CDH23: variants seen among roughly 807,000 people sequenced by gnomAD.
CDH23 encodes cadherin related 23.
Under a neutral mutation model 317.1 loss-of-function variants are expected in CDH23, and 189 were observed. The observed-to-expected ratio is 0.60, with a 90% CI of 0.53 to 0.67. The LOEUF is 0.67. CDH23 is among the 30% of genes least tolerant of loss of function. The probability of loss-of-function intolerance (pLI) is 0.00; values close to 1 mark genes in which losing one functional copy is unlikely to be tolerated. For missense variants in CDH23, 4,401 were observed against 4,592.4 expected (o/e 0.96, Z 1.20); for synonymous variants, 1,839 against 1,876.8 (o/e 0.98, Z 0.52).
In CDH23 at chr10:71,646,439, C is replaced by A; in HGVS notation, c.1291-20C>A. 6.2e-7 allele frequency: 1 copy of A among 1,611,776 alleles called. No homozygotes were observed. The highest frequency in any genetic ancestry group is 8.5e-7 in the Non-Finnish European group (1 of 1,178,858). Reference sequence around the variant, plus strand: ...GGGGACATGTGGGAGCTTACCTGGGCCCCTGTTCTGCACCCCCAGCTCTTT... The same window carrying A: ...GGGGACATGTGGGAGCTTACCTGGGACCCTGTTCTGCACCCCCAGCTCTTT... On this transcript the variant is annotated intron_variant, in intron 13 of 69. Transcript: ENST00000224721.
intron 12 of CDH23, among the ~76,000 whole-genome samples, chr10:71,645,245 C>T (rs1862778453): frequency 6.6e-6 from 1 of 152,244 alleles, no homozygotes; most frequent in South Asian, 2.1e-4. Context: ...CCCCCCGGGA[C>T]TGGCAACAGT....
intron 3 of CDH23, among the ~76,000 whole-genome samples, chr10:71,506,839 G>A (rs1435086241): frequency 6.6e-6 from 1 of 152,196 alleles, no homozygotes; most frequent in Non-Finnish European, 1.5e-5. Flanking sequence ...GAAGGCATGA[G>A]CAGGCAAGAG....
At chr10:71,484,893 A>T (rs1183725997) in intron 3 of CDH23, among the ~76,000 whole-genome samples, 2 of 152,028 alleles carry the variant, frequency 1.3e-5, no homozygotes, top group Non-Finnish European at 2.9e-5. Context: ...AGCAACTTAC[A>T]TACAAGTTCA....
chr10:71,485,023 CTTTTT>C (rs56153129), intron 3 of CDH23, among the ~76,000 whole-genome samples: 4 of 110,142 alleles, frequency 3.6e-5, no homozygotes, highest in Admixed American at 9.4e-5. Flanking sequence ...TTTCTTTTTT[CTTTTT>C]TTTTTTTTTT....
chr10:71,702,262 T>A (rs1442753622), intron 23 of CDH23, 51 bp downstream of exon 23: 10 of 1,575,890 alleles, frequency 6.3e-6, no homozygotes, highest in Admixed American at 1.7e-5. Flanking sequence ...GCTGCGGGTG[T>A]CCCTGGTGAC....
intron 32 of CDH23, 90 bp from the exon 33 acceptor site, chr10:71,734,150 A>G (rs1183715796): frequency 9.8e-7 from 1 of 1,016,854 alleles, no homozygotes; most frequent in Non-Finnish European, 1.5e-6. Context: ...CGGACAGAGG[A>G]AGTGACATGG....
At chr10:71,558,908 C>G (rs950028162) in intron 6 of CDH23, among the ~76,000 whole-genome samples, 2 of 152,214 alleles carry the variant, frequency 1.3e-5, no homozygotes, top group African/African-American at 4.8e-5. Context: ...AGATTTCCTC[C>G]TAACCTCCCT....
intron 28 of CDH23, among the ~76,000 whole-genome samples, chr10:71,723,031 C>A (rs1438013828): frequency 6.6e-6 from 1 of 152,192 alleles, no homozygotes; most frequent in African/African-American, 2.4e-5. Flanking sequence ...AGTCCTGGAC[C>A]AATCCCCTCT....
intron 14 of CDH23, among the ~76,000 whole-genome samples, chr10:71,658,827 C>T (rs922858082): frequency 6.6e-6 from 1 of 152,208 alleles, no homozygotes; most frequent in African/African-American, 2.4e-5. Flanking sequence ...ACCCTCAGGG[C>T]TCACCTCCCA....
In CDH23 at chr10:71,397,637, T is replaced by C. The variant is rs908234991; in HGVS notation, c.-6+319T>C. 6.6e-6 allele frequency among the ~76,000 whole-genome samples: 1 copy of C among 151,986 alleles called. No individual in the cohort carries two copies. Among genetic ancestry groups the C allele is most frequent in the African/African-American group, 2.4e-5 (1 of 41,408 alleles). On this transcript the variant is annotated intron_variant, in intron 1 of 69. Coordinates refer to ENST00000224721, the MANE Select transcript of CDH23 (RefSeq NM_022124.6). The surrounding 1 kb of genome is among the most constrained non-coding windows in gnomAD (Gnocchi z 4.8). Reference sequence around the variant, plus strand: ...CTGGGACCGCGAACATTTGGGGGCTTTGCTCTCGGCGCTACGGAGAGGGTC... The same window carrying C: ...CTGGGACCGCGAACATTTGGGGGCTCTGCTCTCGGCGCTACGGAGAGGGTC...
At chr10:71,569,524 G>A (rs1857636156) in intron 7 of CDH23, among the ~76,000 whole-genome samples, 1 of 152,192 alleles carries the variant, frequency 6.6e-6, no homozygotes, top group African/African-American at 2.4e-5. Flanking sequence ...AGATTCCCAG[G>A]GGGAAAAAGA....
chr10:71,706,913 C>T lies in CDH23; in HGVS notation c.2970C>T (p.Asp990=), dbSNP rs56216952. 4.4e-3 allele frequency: 7,085 copies of T among 1,602,638 alleles called. 24 individuals are homozygous for T. The highest frequency in any genetic ancestry group is 5.5e-3 in the Non-Finnish European group (6,442 of 1,175,066). ...TLTIHVLDVN[D]ETPTFFPAVY... is the part of the protein sequence containing the mutation. ...GCCCCGCAGTGCTGGATGTGAACGA[C>T]GAGACGCCCACCTTCTTCCCGGCCG... Residue 990 remains aspartate (D), a synonymous_variant, in exon 26 of 70, where the codon GAC becomes GAT. Transcript: ENST00000224721.
intron 1 of CDH23, among the ~76,000 whole-genome samples, chr10:71,410,149 T>C (rs914694594): frequency 6.6e-6 from 1 of 152,238 alleles, no homozygotes; most frequent in African/African-American, 2.4e-5. Context: ...CAAAGGGTTA[T>C]TGGGAGGATT....
chr10:71,801,571 TTTC>T (rs1841559841), intron 53 of CDH23, among the ~76,000 whole-genome samples: 1 of 152,114 alleles, frequency 6.6e-6, no homozygotes, highest in Non-Finnish European at 1.5e-5. Flanking sequence ...TCAATCCCCT[TTTC>T]TATGCAAAGT....
intron 9 of CDH23, among the ~76,000 whole-genome samples, chr10:71,604,862 G>A (rs1435554419): frequency 3.9e-5 from 6 of 152,222 alleles, no homozygotes; most frequent in East Asian, 1.9e-4. Context: ...CCAGTGCCTC[G>A]CAGCTCCTCT....
At chr10:71,468,506 T>G (rs1192915392) in intron 3 of CDH23, among the ~76,000 whole-genome samples, 1 of 152,138 alleles carries the variant, frequency 6.6e-6, no homozygotes, top group Non-Finnish European at 1.5e-5. Context: ...CTAAAAAGAT[T>G]GCTATCATCT....
intron 38 of CDH23, among the ~76,000 whole-genome samples, chr10:71,754,459 C>T (rs755753513): frequency 1.3e-5 from 2 of 152,120 alleles, no homozygotes; most frequent in Non-Finnish European, 1.5e-5. Context: ...GCCAGGCAGA[C>T]GGGAAGAGGC....
At chr10:71,637,056 A>T (rs867760217) in intron 11 of CDH23, among the ~76,000 whole-genome samples, 2 of 152,130 alleles carry the variant, frequency 1.3e-5, no homozygotes, top group Admixed American at 6.5e-5. Flanking sequence ...GCTGGCTTTG[A>T]GTTGAAGGTG....
chr10:71,801,179 G>C (rs1841550353), intron 53 of CDH23, among the ~76,000 whole-genome samples: 1 of 106,284 alleles, frequency 9.4e-6, no homozygotes, highest in Non-Finnish European at 1.8e-5. Context: ...TTTTGAGATG[G>C]AGTTTCACTC....
Sources: allele counts gnomAD v4.1 joint callset (sites outside exome capture counted in the v4.1 genomes callset), GRCh38; gene constraint gnomAD v4.1.1; non-coding constraint Gnocchi (gnomAD v3.1); transcripts MANE v1.5; gene names NCBI Gene and HGNC (gene_info 2026-07-23, HGNC 2026-07-21).